The following MARCHF1 variants were observed in gnomAD, a reference collection of about 807,000 sequenced individuals.
MARCHF1 encodes the protein E3 ubiquitin-protein ligase MARCHF1.
In MARCHF1, 40 loss-of-function variants were observed where a neutral mutation model predicts 54.2. The observed-to-expected ratio is 0.74, with a 90% CI of 0.57 to 0.96. The LOEUF (loss-of-function observed/expected upper bound fraction) is 0.96. Among genes scored for constraint, MARCHF1 ranks in the 40% least tolerant of loss-of-function variants. MARCHF1 has a pLI of 0.00. For synonymous variants in MARCHF1, 236 were observed against 236.3 expected, an observed-to-expected ratio of 1.00 and a Z score of 0.01; for missense variants, 586 against 656.5, an observed-to-expected ratio of 0.89 and a Z score of 1.17.
intron 2 of MARCHF1, among the ~76,000 whole-genome samples, chr4:163,996,860 G>A (rs772988589): frequency 3.9e-5 from 6 of 152,116 alleles, no homozygotes; most frequent in South Asian, 2.1e-4. Flanking sequence ...CAGAAGCTGC[G>A]TCCTAAAAGA....
intron 5 of MARCHF1, among the ~76,000 whole-genome samples, chr4:163,700,481 G>A (rs752417483): frequency 1.3e-5 from 2 of 149,306 alleles, no homozygotes; most frequent in Non-Finnish European, 3.0e-5. Flanking sequence ...TACCAGCTGG[G>A]GCGACAGAGT....
chr4:164,184,871 T>G (rs1027266062), intron 1 of MARCHF1, among the ~76,000 whole-genome samples: 9 of 152,182 alleles, frequency 5.9e-5, no homozygotes, highest in Non-Finnish European at 1.2e-4. Context: ...TCTAAAAATA[T>G]TGGTACAGCA....
chr4:163,972,167 G>A (rs1346844950), intron 3 of MARCHF1, among the ~76,000 whole-genome samples: 1 of 152,088 alleles, frequency 6.6e-6, no homozygotes, highest in Non-Finnish European at 1.5e-5. Context: ...ATGGACACAG[G>A]GAGGGGAACA....
chr4:164,357,948 C>A (rs80203001), intron 1 of MARCHF1, among the ~76,000 whole-genome samples: 2,257 of 152,112 alleles, frequency 0.015, 74 homozygotes, highest in East Asian at 0.13. Context: ...TCCCACAGAG[C>A]TGTAGATTTT....
chr4:164,088,867 A>G (rs898820643), intron 2 of MARCHF1, among the ~76,000 whole-genome samples: 2 of 152,226 alleles, frequency 1.3e-5, no homozygotes, highest in Non-Finnish European at 2.9e-5. Context: ...ATTTTATACA[A>G]TAGGGATTAT....
intron 1 of MARCHF1, among the ~76,000 whole-genome samples, chr4:164,229,174 C>T (rs1247270286): frequency 6.6e-6 from 1 of 152,200 alleles, no homozygotes; most frequent in Non-Finnish European, 1.5e-5. Flanking sequence ...CATCTGCCTT[C>T]AAGAAGCAAA....
At chr4:164,296,243 C>T (rs1478790322) in intron 1 of MARCHF1, among the ~76,000 whole-genome samples, 1 of 152,144 alleles carries the variant, frequency 6.6e-6, no homozygotes, top group Non-Finnish European at 1.5e-5. Flanking sequence ...AGGCTGAGGG[C>T]CATTGGCTTT....
chr4:163,910,556 G>A (rs114550876), intron 3 of MARCHF1, among the ~76,000 whole-genome samples: 2,606 of 152,198 alleles, frequency 0.017, 66 homozygotes, highest in African/African-American at 0.058. Flanking sequence ...GTGCAATGGC[G>A]CGATCTTGGC....
intron 1 of MARCHF1, among the ~76,000 whole-genome samples, chr4:164,299,051 AC>A (rs1310150881): frequency 2.7e-4 from 41 of 152,332 alleles, no homozygotes; most frequent in African/African-American, 9.1e-4. Flanking sequence ...ATGCAGTCAT[AC>A]TATCTCAAAA....
At position 163,951,790 on chromosome 4, in the gene MARCHF1, G is replaced by A. The variant is rs538529499; in HGVS notation, c.-39+36711C>T. 2.6e-5 allele frequency among the ~76,000 whole-genome samples: 4 copies of A among 152,206 alleles called. No individual in the cohort carries two copies. In the South Asian group the frequency reaches 6.2e-4, roughly 24 times the overall value. ...GTATACTTTAGAAAGTAAGAGTTAC[G>A]CTCCTGGTTATAGCTTCTCAAATAT... On this transcript the variant is annotated intron_variant, in intron 3 of 9. Coordinates refer to ENST00000514618, the MANE Select transcript of MARCHF1 (RefSeq NM_001394959.1).
At chr4:163,933,170 T>C in intron 3 of MARCHF1, 1 of 795,556 alleles carries the variant, frequency 1.3e-6, no homozygotes, top group South Asian at 1.4e-5. Flanking sequence ...ACCCTCATTA[T>C]GGAGTTTCTT....
chr4:163,630,052 C>A (rs566014963), intron 5 of MARCHF1, among the ~76,000 whole-genome samples: 13 of 152,136 alleles, frequency 8.5e-5, no homozygotes, highest in Non-Finnish European at 1.5e-4. Context: ...GTTAAATAAA[C>A]CTACCATATA....
chr4:163,892,810 G>C (rs1750690470), intron 3 of MARCHF1, among the ~76,000 whole-genome samples: 1 of 152,088 alleles, frequency 6.6e-6, no homozygotes, highest in Non-Finnish European at 1.5e-5. Flanking sequence ...GAAAGTGCTA[G>C]TTATAGATGC....
At chr4:164,238,585 A>T (rs1204832629) in intron 1 of MARCHF1, among the ~76,000 whole-genome samples, 1 of 152,002 alleles carries the variant, frequency 6.6e-6, no homozygotes, top group African/African-American at 2.4e-5. Flanking sequence ...AGTAAGAGAT[A>T]AAAAAATCCA....
At chr4:163,625,283 C>T (rs868758273) in intron 5 of MARCHF1, among the ~76,000 whole-genome samples, 8 of 152,174 alleles carry the variant, frequency 5.3e-5, no homozygotes, top group Non-Finnish European at 1.2e-4. Context: ...GTTAATCTTG[C>T]TCTAGCATTT....
chr4:164,342,196 A>C (rs1265421867), intron 1 of MARCHF1, among the ~76,000 whole-genome samples: 1 of 152,194 alleles, frequency 6.6e-6, no homozygotes, highest in Non-Finnish European at 1.5e-5. Context: ...CAACAAGTAA[A>C]TTAAAAGATG....
At chr4:164,020,661 A>G (rs2110966381) in intron 2 of MARCHF1, among the ~76,000 whole-genome samples, 1 of 152,274 alleles carries the variant, frequency 6.6e-6, no homozygotes, top group South Asian at 2.1e-4. Flanking sequence ...GCTGGGTGCC[A>G]TGGCTCATGC....
intron 1 of MARCHF1, among the ~76,000 whole-genome samples, chr4:164,365,541 G>A (rs1730853808): frequency 6.6e-6 from 1 of 151,984 alleles, no homozygotes; most frequent in African/African-American, 2.4e-5. Flanking sequence ...GAAAATAAAT[G>A]ATAATTATAA....
rs564407818 is a variant in MARCHF1 at position 163,897,704 on chromosome 4, C to T, written c.-38-43535G>A. Among the ~76,000 whole-genome samples the T allele has an allele frequency of 4.6e-5, 7 of 152,146 alleles. No individual in the cohort carries two copies. The East Asian group carries it at 1.4e-3, about 29-fold the overall frequency. On this transcript the variant is annotated intron_variant, in intron 3 of 9. Transcript: ENST00000514618. The stretch of plus-strand genomic sequence containing the variant: ...GGAAATGGACCCCCATCTCTCACCG[C>T]ATAAAAAGATTAACTCAAGATGGAT...
Sources: allele counts gnomAD v4.1 joint callset (sites outside exome capture counted in the v4.1 genomes callset), GRCh38; gene constraint gnomAD v4.1.1; transcripts MANE v1.5; gene names NCBI Gene and HGNC (gene_info 2026-07-23, HGNC 2026-07-21).